The following ADGRD2 variants were observed in gnomAD, a reference collection of about 807,000 sequenced individuals.
The protein encoded by ADGRD2 is adhesion G protein-coupled receptor D2.
ADGRD2 carries 71 observed loss-of-function variants against 44.4 expected under a neutral mutation model. The ratio of observed to expected loss-of-function variants is 1.60; its 90% CI spans 1.32 to 1.95. The LOEUF (loss-of-function observed/expected upper bound fraction) is 1.95, where lower values mean the gene tolerates loss of function less well. Among genes scored for constraint, ADGRD2 ranks in the 30% most tolerant of loss-of-function variants. The pLI is 0.00. For synonymous variants in ADGRD2, 481 were observed against 224.8 expected, an observed-to-expected ratio of 2.14 and a Z score of -10.19; for missense variants, 1,039 against 512.4, an observed-to-expected ratio of 2.03 and a Z score of -9.92.
intron 6 of ADGRD2, among the ~76,000 whole-genome samples, chr9:124,455,500 G>A (rs1237427836): frequency 6.6e-6 from 1 of 151,758 alleles, no homozygotes; most frequent in African/African-American, 2.4e-5. Flanking sequence ...TGATGCAGGA[G>A]AATCACTTAA....
intron 8 of ADGRD2, among the ~76,000 whole-genome samples, chr9:124,457,821 C>T (rs1831646807): frequency 6.6e-6 from 1 of 152,240 alleles, no homozygotes; most frequent in Non-Finnish European, 1.5e-5. Flanking sequence ...CACACATCTT[C>T]CCTCGGGAGT....
intron 17 of ADGRD2, among the ~76,000 whole-genome samples, chr9:124,471,398 G>A (rs747640052): frequency 2.0e-5 from 3 of 152,174 alleles, no homozygotes; most frequent in Admixed American, 6.5e-5. Flanking sequence ...AGTCAGGTGC[G>A]AACTCCACCC....
Position 124,454,863 on chromosome 9 carries a change from C to T in ADGRD2, c.1131C>T (p.Ser377=), listed in dbSNP as rs578119316. ...CACAGCTCCTCCCGGACCCCCTCTC[C>T]GAAGTCCATGGGGCCCTGTCCCCAG... Residue 377 remains serine, a synonymous_variant, in exon 6 of 22, where the codon TCC becomes TCT. Transcript: ENST00000334810. The surrounding 1 kb of genome is among the most constrained non-coding windows in gnomAD (Gnocchi z 4.5). 1.6e-5 allele frequency: 11 copies of T among 705,070 alleles called. No individual in the cohort carries two copies. The highest frequency in any genetic ancestry group is 1.0e-4 in the African/African-American group (6 of 57,296). 43.7% of individuals were successfully genotyped at this position (705,070 alleles called of 1,614,324 possible). A position where few individuals can be genotyped will look rare whatever the true frequency, so the allele number is the denominator to read the frequency against.
At chr9:124,453,405 G>T (rs759819122) in exon 3 of ADGRD2, 1 of 604,840 alleles carries the variant, frequency 1.7e-6, no homozygotes, top group Non-Finnish European at 2.9e-6. Context: ...GGGCGCGGGG[G>T]CTGGGCGCCG....
At chr9:124,460,388 A>ATATATTTT (rs33991643) in intron 10 of ADGRD2, among the ~76,000 whole-genome samples, 1 of 145,154 alleles carries the variant, frequency 6.9e-6, no homozygotes, top group African/African-American at 2.6e-5. Flanking sequence ...ATATATATAT[A>ATATATTTT]TTTTTTTTTA....
chr9:124,450,932 C>T (rs762329890), upstream of ADGRD2, among the ~76,000 whole-genome samples: 2 of 152,328 alleles, frequency 1.3e-5, no homozygotes, highest in Non-Finnish European at 1.5e-5. Flanking sequence ...ACCCAGGAGG[C>T]TCTTCCCTGC....
chr9:124,457,605 A>T (rs1831642578), exon 8 of ADGRD2: 2 of 639,360 alleles, frequency 3.1e-6, no homozygotes, highest in Non-Finnish European at 2.9e-6. Context: ...TCCTCAGGAA[A>T]GGTGGGTGAG....
Position 124,454,452 on chromosome 9 carries a change from C to T in ADGRD2, c.1023-32C>T, listed in dbSNP as rs768834864. ...GGCATCTCTGGGCAGGGGTATTGCC[C>T]GGGGCCTAGCCTGGCATCCACTCCT... On this transcript the variant is annotated intron_variant, in intron 4 of 21. Coordinates refer to ENST00000334810, the Ensembl canonical transcript of ADGRD2. The surrounding 1 kb of genome is among the most constrained non-coding windows in gnomAD (Gnocchi z 4.5). The T allele has an allele frequency of 5.7e-6, 4 of 698,266 alleles. No individual in the cohort carries two copies. Among genetic ancestry groups the T allele is most frequent in the South Asian group, 3.0e-5 (2 of 67,030 alleles). 43.3% of individuals were successfully genotyped at this position (698,266 alleles called of 1,614,324 possible).
chr9:124,453,148 T>C (rs1831528978), exon 3 of ADGRD2: 1 of 701,342 alleles, frequency 1.4e-6, no homozygotes. Context: ...TCACGTGCAG[T>C]GGGACTGTGC....
intron 17 of ADGRD2, 50 bp from the exon 21 acceptor site, chr9:124,475,396 G>A (rs1424781075): frequency 1.4e-6 from 1 of 696,876 alleles, no homozygotes; most frequent in South Asian, 1.5e-5. Context: ...AGGCTGTGGG[G>A]GATGGGGTAG....
exon 12 of ADGRD2, chr9:124,467,790 C>T (rs1831855330): frequency 2.8e-6 from 2 of 718,552 alleles, no homozygotes; most frequent in East Asian, 2.7e-5. Flanking sequence ...CTTCTGCGCC[C>T]TCACCACCAC....
chr9:124,468,141 C>T (rs1215652899), exon 13 of ADGRD2: 2 of 718,598 alleles, frequency 2.8e-6, no homozygotes, highest in South Asian at 1.5e-5. Flanking sequence ...TTCTCCCTGG[C>T]CTCTGCCGAG....
intron 17 of ADGRD2, among the ~76,000 whole-genome samples, chr9:124,471,921 G>A (rs977781962): frequency 2.6e-5 from 4 of 152,188 alleles, no homozygotes; most frequent in Admixed American, 2.6e-4. Context: ...CAAGCCCCAC[G>A]CCCCCCAGGG....
chr9:124,476,301 A>C (rs1832047737), intron 19 of ADGRD2, 56 bp from the exon 23 acceptor site: 1 of 665,402 alleles, frequency 1.5e-6, no homozygotes, highest in Admixed American at 2.1e-5. Flanking sequence ...AGGATGGGGG[A>C]GCAGAGAGAG....
chr9:124,454,932 G>A lies in ADGRD2; in HGVS notation c.1200G>A (p.Ala400=), dbSNP rs769826172. 1.7e-5 allele frequency: 12 copies of A among 717,068 alleles called. No individual in the cohort carries two copies. Among genetic ancestry groups the A allele is most frequent in the East Asian group, 5.4e-5 (2 of 37,308 alleles). 44.4% of individuals were successfully genotyped at this position (717,068 alleles called of 1,614,324 possible). ...TGGGCCTTCTGGAGCATGTCCTGGC[G>A]ATGGAGATGGCTCCCCTGGGGCCGG... Residue 400 remains alanine (A), a synonymous_variant, in exon 6 of 22, where the codon GCG becomes GCA. Transcript: ENST00000334810. This position sits in a 1 kb window ranked among gnomAD's most constrained non-coding sequence, Gnocchi z 4.5.
At chr9:124,470,683 G>A (rs1831931673) in intron 17 of ADGRD2, 69 bp downstream of exon 20, 1 of 649,584 alleles carries the variant, frequency 1.5e-6, no homozygotes, top group Non-Finnish European at 2.9e-6. Context: ...GACGACTAGG[G>A]TGTCAGGGCC....
chr9:124,452,391 C>G (rs900457778), intron 1 of ADGRD2, 119 bp from the exon 5 acceptor site: 3 of 684,954 alleles, frequency 4.4e-6, no homozygotes, highest in East Asian at 2.7e-5. Flanking sequence ...TAGACATGGG[C>G]GGGTTCAGCC....
intron 2 of ADGRD2, 107 bp downstream of exon 5, chr9:124,452,829 C>A: frequency 1.6e-6 from 1 of 629,330 alleles, no homozygotes; most frequent in African/African-American, 1.8e-5. Context: ...GGGAGTAAGA[C>A]CCCATTGCAT....
Position 124,454,007 on chromosome 9 carries a change from G to A in ADGRD2, c.934G>A (p.Glu312Lys). 1.4e-6 allele frequency: 1 copy of A among 701,674 alleles called. No homozygotes were observed. Among genetic ancestry groups the A allele is most frequent in the African/African-American group, 1.8e-5 (1 of 56,778 alleles). The allele number at this position is 701,674 out of a possible 1,614,324, so 43.5% of individuals were successfully genotyped here. A position where few individuals can be genotyped will look rare whatever the true frequency, so the allele number is the denominator to read the frequency against. ...TCCCCTGCCCCTGCCAGTGCCCTCC[G>A]AGGAGTGCCCTACGTGGAACCCGGG... Residue 312 changes from glutamate to lysine, a missense_variant, in exon 4 of 22, where the codon GAG becomes AAG. Transcript: ENST00000334810. The surrounding 1 kb of genome is among the most constrained non-coding windows in gnomAD (Gnocchi z 4.5).
Sources: allele counts gnomAD v4.1 joint callset (sites outside exome capture counted in the v4.1 genomes callset), GRCh38; gene constraint gnomAD v4.1.1; non-coding constraint Gnocchi (gnomAD v3.1); transcripts MANE v1.5; gene names NCBI Gene and HGNC (gene_info 2026-07-23, HGNC 2026-07-21).